KCTD1: variants seen among roughly 807,000 people sequenced by gnomAD.
The protein encoded by KCTD1 is BTB/POZ domain-containing protein KCTD1.
In KCTD1, 24 loss-of-function variants were observed where a neutral mutation model predicts 66.0. The observed-to-expected ratio is 0.36, with a 90% CI of 0.26 to 0.51. The LOEUF is 0.51. Among genes scored for constraint, KCTD1 ranks in the 20% least tolerant of loss-of-function variants. The pLI is 0.95. For missense variants in KCTD1, 943 were observed against 1,205.2 expected (o/e 0.78, Z 3.22); for synonymous variants, 511 against 517.2 (o/e 0.99, Z 0.16).
rs144273029 is a variant in KCTD1, at chr18:26,613,587, C to G, written c.-16+15560G>C. ...CAAATTAACTCCATTTTTTATTGTA[C>G]TGCTAAAGTGTCCACAGAAAGCTAA... On this transcript the variant is annotated intron_variant, in intron 1 of 4. Transcript: ENST00000317932. Among the ~76,000 whole-genome samples the G allele has an allele frequency of 3.3e-5, 5 of 152,296 alleles. No homozygotes were observed. In the East Asian group the frequency reaches 9.6e-4, roughly 29 times the overall value.
At chr18:26,570,688 G>A (rs1417450065) in intron 1 of KCTD1, among the ~76,000 whole-genome samples, 1 of 152,170 alleles carries the variant, frequency 6.6e-6, no homozygotes, top group Non-Finnish European at 1.5e-5. Context: ...TGGGATTACA[G>A]GCATGAGCCA....
At chr18:26,657,419 T>C (rs1029184858), upstream of KCTD1, 4 of 983,190 alleles carry the variant, frequency 4.1e-6, no homozygotes, top group Non-Finnish European at 4.8e-6. Context: ...CTCTCCCCCC[T>C]TTTCCGATTT....
chr18:26,606,195 C>T (rs1209967826), intron 1 of KCTD1, among the ~76,000 whole-genome samples: 2 of 152,106 alleles, frequency 1.3e-5, no homozygotes, highest in African/African-American at 4.8e-5. Context: ...CTTCAGGTAG[C>T]AGGCTTCAGA....
rs568045523 is a variant in KCTD1, at chr18:26,594,177, G to T, written c.-16+34970C>A. 2.6e-4 allele frequency among the ~76,000 whole-genome samples: 40 copies of T among 152,230 alleles called. 1 individual carries two copies. The highest frequency in any genetic ancestry group is 9.6e-4 in the African/African-American group (40 of 41,546). ...GATCTTCTACTCCATGGTCTAGAAG[G>T]GTTGCTCCTTCCTCCTCCTGCTAGG... On this transcript the variant is annotated intron_variant, in intron 1 of 4. Coordinates refer to the KCTD1 transcript ENST00000317932.
At chr18:26,471,390 T>C (rs1981054545) in intron 3 of KCTD1, among the ~76,000 whole-genome samples, 1 of 152,012 alleles carries the variant, frequency 6.6e-6, no homozygotes, top group Non-Finnish European at 1.5e-5. Context: ...GCTGAAATCC[T>C]GTGTGGGACC....
intron 1 of KCTD1, among the ~76,000 whole-genome samples, chr18:26,583,569 T>G (rs767216219): frequency 6.6e-6 from 1 of 152,180 alleles, no homozygotes. Context: ...AATGGTACTC[T>G]CTGATGTACT....
At chr18:26,616,282 C>A (rs746088876) in intron 1 of KCTD1, among the ~76,000 whole-genome samples, 1 of 151,700 alleles carries the variant, frequency 6.6e-6, no homozygotes, top group Non-Finnish European at 1.5e-5. Context: ...TAATCCCCAT[C>A]CTCTCCCCTA....
At chr18:26,545,985 A>C (rs145711006) in intron 1 of KCTD1, among the ~76,000 whole-genome samples, 239 of 152,238 alleles carry the variant, frequency 1.6e-3, no homozygotes, top group African/African-American at 5.6e-3. Context: ...CGTAGGTATT[A>C]TCTGCCCCCT....
intron 1 of KCTD1, among the ~76,000 whole-genome samples, chr18:26,602,638 A>T (rs1986922839): frequency 1.3e-5 from 2 of 152,184 alleles, no homozygotes; most frequent in South Asian, 4.1e-4. Context: ...AGAGGTAAAG[A>T]TCTTTATCTG....
intron 1 of KCTD1, among the ~76,000 whole-genome samples, chr18:26,622,940 T>C (rs939163465): frequency 3.3e-5 from 5 of 152,254 alleles, no homozygotes; most frequent in African/African-American, 1.2e-4. Context: ...GATTTTATTC[T>C]AGGAAAATGG....
intron 1 of KCTD1, among the ~76,000 whole-genome samples, chr18:26,513,228 C>T (rs1347757776): frequency 6.6e-6 from 1 of 151,882 alleles, no homozygotes; most frequent in Non-Finnish European, 1.5e-5. Flanking sequence ...GCTGGGACTA[C>T]AGGCGCCCGC....
intron 1 of KCTD1, among the ~76,000 whole-genome samples, chr18:26,503,716 G>GA (rs1368053409): frequency 6.6e-6 from 1 of 152,082 alleles, no homozygotes; most frequent in Admixed American, 6.6e-5. Flanking sequence ...TACAGAAAGA[G>GA]AAAAAAATGA....
chr18:26,640,914 G>A (rs141551022), upstream of KCTD1, among the ~76,000 whole-genome samples: 1 of 152,092 alleles, frequency 6.6e-6, no homozygotes, highest in African/African-American at 2.4e-5. Context: ...GGACAAGGAC[G>A]GCAGAGTTGG....
chr18:26,490,955 G>T (rs185626275), intron 2 of KCTD1, among the ~76,000 whole-genome samples: 143 of 152,200 alleles, frequency 9.4e-4, no homozygotes, highest in African/African-American at 3.3e-3. Context: ...GTTTCACCAG[G>T]TTGCCCAGGC....
At chr18:26,599,390 G>A in intron 1 of KCTD1, 2 of 1,610,362 alleles carry the variant, frequency 1.2e-6, no homozygotes, top group Non-Finnish European at 1.7e-6. Flanking sequence ...AGGTCTGTCA[G>A]TACTGCACTG....
intron 1 of KCTD1, among the ~76,000 whole-genome samples, chr18:26,639,396 T>A (rs1227720810): frequency 6.6e-6 from 1 of 152,028 alleles, no homozygotes; most frequent in Non-Finnish European, 1.5e-5. Flanking sequence ...GTTCCTATCT[T>A]GTAGGCAGTG....
At chr18:26,582,392 A>G (rs1986375593) in intron 1 of KCTD1, among the ~76,000 whole-genome samples, 1 of 152,228 alleles carries the variant, frequency 6.6e-6, no homozygotes, top group East Asian at 1.9e-4. Flanking sequence ...AAATTAAACT[A>G]AATGAGTTAT....
chr18:26,642,105 T>G (rs1987845026), upstream of KCTD1, among the ~76,000 whole-genome samples: 2 of 152,190 alleles, frequency 1.3e-5, no homozygotes, highest in South Asian at 4.2e-4. Context: ...GGCTTGATCT[T>G]AAATCACTGC....
chr18:26,652,959 C>CT (rs1317858665), intron 1 of KCTD1, among the ~76,000 whole-genome samples: 1 of 152,194 alleles, frequency 6.6e-6, no homozygotes, highest in Non-Finnish European at 1.5e-5. Flanking sequence ...ATGGCCAACC[C>CT]TTTATTAGGT....
Sources: allele counts gnomAD v4.1 joint callset (sites outside exome capture counted in the v4.1 genomes callset), GRCh38; gene constraint gnomAD v4.1.1; transcripts MANE v1.5; gene names NCBI Gene and HGNC (gene_info 2026-07-23, HGNC 2026-07-21).